Variants in NRXN1 observed in about 807,000 individuals in gnomAD.
NRXN1 encodes the protein neurexin 1.
A neutral mutation model predicts 150.9 loss-of-function variants in NRXN1; 39 were observed. The observed-to-expected ratio is 0.26, with a 90% CI of 0.20 to 0.34. The LOEUF is 0.34. NRXN1 is among the 10% of genes least tolerant of loss of function. NRXN1 has a pLI of 1.00. For synonymous variants in NRXN1, 924 were observed against 757.0 expected (o/e 1.22, Z -3.62); for missense variants, 1,815 against 1,949.9 (o/e 0.93, Z 1.30).
chr2:50,161,933 T>A (rs1008393503), intron 18 of NRXN1, among the ~76,000 whole-genome samples: 5 of 152,108 alleles, frequency 3.3e-5, no homozygotes, highest in African/African-American at 7.2e-5. Context: ...GCTAATTGAA[T>A]TTATGACACA....
intron 18 of NRXN1, among the ~76,000 whole-genome samples, chr2:50,170,156 C>A (rs2152800003): frequency 6.6e-6 from 1 of 152,122 alleles, no homozygotes; most frequent in South Asian, 2.1e-4. Context: ...CACACACACA[C>A]ACACACACAT....
At chr2:49,998,096 G>A (rs781454006) in intron 21 of NRXN1, among the ~76,000 whole-genome samples, 1 of 152,098 alleles carries the variant, frequency 6.6e-6, no homozygotes, top group Non-Finnish European at 1.5e-5. Flanking sequence ...GGGACAATAA[G>A]ATACTGTAGT....
At chr2:50,363,953 A>G (rs1318601431) in intron 17 of NRXN1, among the ~76,000 whole-genome samples, 1 of 152,212 alleles carries the variant, frequency 6.6e-6, no homozygotes, top group East Asian at 1.9e-4. Context: ...ACAGGGATGT[A>G]GCTGGAAACC....
At chr2:51,010,394 G>A (rs182664174) in intron 2 of NRXN1, among the ~76,000 whole-genome samples, 2 of 151,794 alleles carry the variant, frequency 1.3e-5, no homozygotes, top group East Asian at 1.9e-4. Context: ...CTCGCTAAAC[G>A]TATTTTTAAC....
At chr2:50,011,295 T>A (rs79725739) in intron 21 of NRXN1, among the ~76,000 whole-genome samples, 15,621 of 152,182 alleles carry the variant, frequency 0.1, 843 homozygotes, top group Middle Eastern at 0.21. Flanking sequence ...TTTTCATACT[T>A]TTTTACTTTG....
chr2:50,025,575 C>T (rs910338444), intron 21 of NRXN1, among the ~76,000 whole-genome samples: 11 of 152,112 alleles, frequency 7.2e-5, no homozygotes, highest in South Asian at 2.1e-4. Flanking sequence ...AGGACCAGAG[C>T]GTATGTAAGA....
chr2:50,753,904 A>G (rs1243924891), intron 5 of NRXN1, among the ~76,000 whole-genome samples: 3 of 142,370 alleles, frequency 2.1e-5, no homozygotes, highest in African/African-American at 7.8e-5. Flanking sequence ...GAAGTCATTT[A>G]GCAGCTCATT....
chr2:50,701,878 T>C (rs1424402948), intron 5 of NRXN1, among the ~76,000 whole-genome samples: 1 of 152,160 alleles, frequency 6.6e-6, no homozygotes, highest in African/African-American at 2.4e-5. Context: ...AGTTAGTTTT[T>C]TACTATAAGA....
chr2:51,027,907 A>G lies in NRXN1; in HGVS notation c.367T>C (p.Phe123Leu). Residue 123 changes from phenylalanine to leucine, a missense_variant, in exon 2 of 23, where the codon TTC (phenylalanine) becomes CTC (leucine). This residue lies in a region of NRXN1 where 554 missense variants were observed against 478.8 expected (regional missense o/e 1.16). Transcript: ENST00000401669. ...AWHSVRIRRQ[F>L]RNTTLFIDQV... ...TCGATGAAGAGCGTGGTGTTGCGGA[A>G]CTGGCGGCGGATGCGCACGCTGTGC... The G allele has an allele frequency of 6.2e-7, 1 of 1,609,370 alleles. No individual in the cohort carries two copies. The highest frequency in any genetic ancestry group is 8.5e-7 in the Non-Finnish European group (1 of 1,179,684).
intron 9 of NRXN1, among the ~76,000 whole-genome samples, chr2:50,549,597 G>A (rs1040993457): frequency 6.6e-6 from 1 of 152,106 alleles, no homozygotes; most frequent in Non-Finnish European, 1.5e-5. Context: ...CTTAGAACGT[G>A]TTTCTGTTCT....
intron 21 of NRXN1, among the ~76,000 whole-genome samples, chr2:50,005,983 A>G (rs1337861574): frequency 6.6e-6 from 1 of 152,160 alleles, no homozygotes; most frequent in Non-Finnish European, 1.5e-5. Context: ...TGTCCGTGCT[A>G]TTAAAAACAC....
At chr2:50,361,397 C>A (rs945662212) in intron 17 of NRXN1, among the ~76,000 whole-genome samples, 2 of 151,926 alleles carry the variant, frequency 1.3e-5, no homozygotes, top group Non-Finnish European at 2.9e-5. Flanking sequence ...AGAGAAGAAT[C>A]AAATAGACAC....
chr2:50,991,234 TATA>T (rs970542330), intron 2 of NRXN1, among the ~76,000 whole-genome samples: 2 of 152,004 alleles, frequency 1.3e-5, no homozygotes, highest in African/African-American at 4.8e-5. Context: ...TAATGAATAT[TATA>T]ATAAGACAAA....
At chr2:50,360,651 C>T (rs1459394096) in intron 17 of NRXN1, among the ~76,000 whole-genome samples, 1 of 152,134 alleles carries the variant, frequency 6.6e-6, no homozygotes, top group Non-Finnish European at 1.5e-5. Context: ...TAGACTCCCA[C>T]ACAATAATAA....
intron 17 of NRXN1, among the ~76,000 whole-genome samples, chr2:50,306,937 T>C (rs1321141125): frequency 6.6e-6 from 1 of 152,172 alleles, no homozygotes; most frequent in Admixed American, 6.6e-5. Flanking sequence ...AATATATGCA[T>C]TAAAAATGAG....
At chr2:50,207,812 C>T (rs2062723064) in intron 18 of NRXN1, 1 of 161,668 alleles carries the variant, frequency 6.2e-6, no homozygotes, top group Non-Finnish European at 1.5e-5. Flanking sequence ...ATATCTTGGC[C>T]CAAAGTTTAC....
intron 17 of NRXN1, among the ~76,000 whole-genome samples, chr2:50,358,123 G>T (rs777548976): frequency 2.6e-5 from 4 of 152,108 alleles, no homozygotes; most frequent in Non-Finnish European, 4.4e-5. Context: ...CACCACAAGG[G>T]ACCTGGGTTT....
intron 21 of NRXN1, among the ~76,000 whole-genome samples, chr2:49,992,059 A>G (rs2152521584): frequency 6.6e-6 from 1 of 152,320 alleles, no homozygotes. Context: ...GAGACAGACA[A>G]TTGACAAACA....
At chr2:50,569,870 C>A (rs1306263355) in intron 8 of NRXN1, among the ~76,000 whole-genome samples, 1 of 152,048 alleles carries the variant, frequency 6.6e-6, no homozygotes. Context: ...CATTTTAGCT[C>A]TCCACATTAA....
Sources: gnomAD v4.1 joint callset for allele counts (sites outside exome capture counted in the v4.1 genomes callset) on GRCh38, gnomAD v4.1.1 for gene constraint, gnomAD v4.1.1 regional missense constraint, MANE v1.5 for transcripts, NCBI Gene and HGNC (gene_info 2026-07-23, HGNC 2026-07-21) for gene names.